PRKCZ: variants seen among roughly 807,000 people sequenced by gnomAD.
PRKCZ encodes the protein protein kinase C zeta, also known as protein kinase C zeta type.
A neutral mutation model predicts 79.5 loss-of-function variants in PRKCZ; 33 were observed. That is an observed-to-expected ratio of 0.41 (90% confidence interval 0.31 to 0.55). PRKCZ has a LOEUF of 0.55. PRKCZ is among the 20% of genes least tolerant of loss of function. The pLI is 0.19. For missense variants in PRKCZ, 578 were observed against 813.5 expected, an observed-to-expected ratio of 0.71 and a Z score of 3.52; for synonymous variants, 342 against 320.9, an observed-to-expected ratio of 1.07 and a Z score of -0.70.
At chr1:2,095,032 C>CA (rs1666214735) in intron 4 of PRKCZ, among the ~76,000 whole-genome samples, 1 of 152,196 alleles carries the variant, frequency 6.6e-6, no homozygotes, top group Non-Finnish European at 1.5e-5. Context: ...CCCAGCCCCC[C>CA]ATGTGCTGCT....
intron 4 of PRKCZ, among the ~76,000 whole-genome samples, chr1:2,079,577 T>C (rs1159273562): frequency 2.0e-5 from 3 of 152,152 alleles, no homozygotes; most frequent in Non-Finnish European, 2.9e-5. Context: ...GTGAGCGTGA[T>C]GGTAAAAGGC....
intron 4 of PRKCZ, among the ~76,000 whole-genome samples, chr1:2,126,520 G>A (rs114955559): frequency 0.022 from 3,290 of 152,108 alleles, 130 homozygotes; most frequent in African/African-American, 0.072. Context: ...CCCCCCTCCA[G>A]CCTGATTGCG....
At chr1:2,169,638 C>T (rs1459455701) in intron 11 of PRKCZ, 34 bp downstream of exon 11, 28 of 1,441,722 alleles carry the variant, frequency 1.9e-5, no homozygotes, top group Non-Finnish European at 2.5e-5. Flanking sequence ...GGTGGGTGCG[C>T]CCGGAGTTGG....
At chr1:2,147,257 C>G (rs1421588088) in intron 7 of PRKCZ, among the ~76,000 whole-genome samples, 2 of 151,812 alleles carry the variant, frequency 1.3e-5, no homozygotes, top group African/African-American at 4.8e-5. Context: ...CTCCATCTAT[C>G]CATCTGTCTG....
chr1:2,068,292 C>T (rs1470292097), intron 4 of PRKCZ, among the ~76,000 whole-genome samples: 3 of 152,256 alleles, frequency 2.0e-5, no homozygotes, highest in Non-Finnish European at 4.4e-5. Context: ...TTGCCACCCC[C>T]ACCCCAGAGG....
rs578008566 is a variant in PRKCZ, at chr1:2,127,356, C to T, written c.335-7906C>T. On this transcript the variant is annotated intron_variant, in intron 4 of 17. Coordinates refer to ENST00000378567, the MANE Select transcript of PRKCZ (RefSeq NM_002744.6). This position sits in a 1 kb window ranked among gnomAD's most constrained non-coding sequence, Gnocchi z 5.1. ...AAGTTTGAGTTGCAGGCTTGCGATCCGGGCAGGTCCCTCAGATGGAGGGGC... is the reference window on the plus strand; with the variant it reads ...AAGTTTGAGTTGCAGGCTTGCGATCTGGGCAGGTCCCTCAGATGGAGGGGC... Among the ~76,000 whole-genome samples the T allele has an allele frequency of 3.3e-4, 50 of 152,272 alleles. No homozygotes were observed. The highest frequency in any genetic ancestry group is 6.8e-3 in the Middle Eastern group (2 of 294).
chr1:2,165,665 G>A lies in PRKCZ; in HGVS notation c.975-3853G>A, dbSNP rs115817515. Among the ~76,000 whole-genome samples, 56 of 152,316 alleles carry A rather than the reference G, an allele frequency of 3.7e-4. No homozygotes were observed. The highest frequency in any genetic ancestry group is 1.3e-3 in the African/African-American group (53 of 41,572). On this transcript the variant is annotated intron_variant, in intron 10 of 17. Transcript: ENST00000378567. The surrounding 1 kb of genome is among the most constrained non-coding windows in gnomAD (Gnocchi z 4.1). Reference sequence around the variant, plus strand: ...AGCCTTAGACACTGCGTGAAGGGACGCGTGTGGCCGTGTTCCACCAGAACT... The same window carrying A: ...AGCCTTAGACACTGCGTGAAGGGACACGTGTGGCCGTGTTCCACCAGAACT...
chr1:2,158,804 C>G (rs776356930), intron 10 of PRKCZ, among the ~76,000 whole-genome samples: 17 of 152,210 alleles, frequency 1.1e-4, no homozygotes, highest in Non-Finnish European at 1.3e-4. Flanking sequence ...ATGCGTAAAC[C>G]TGAACTTAAA....
intron 4 of PRKCZ, among the ~76,000 whole-genome samples, chr1:2,130,574 C>G (rs1312283686): frequency 6.6e-6 from 1 of 152,118 alleles, no homozygotes; most frequent in Non-Finnish European, 1.5e-5. Context: ...TTCATAGAGA[C>G]TTATGAAGCC....
At chr1:2,120,231 T>C (rs1431569131) in intron 4 of PRKCZ, among the ~76,000 whole-genome samples, 5 of 151,726 alleles carry the variant, frequency 3.3e-5, no homozygotes, top group African/African-American at 1.2e-4. Flanking sequence ...TTGGTAGAGC[T>C]TCTTGAATCA....
In PRKCZ at chr1:2,171,132, C is replaced by G. The variant is rs546856683; in HGVS notation, c.1062-923C>G. Among the ~76,000 whole-genome samples, 25 of 152,104 alleles carry G rather than the reference C, an allele frequency of 1.6e-4. No individual in the cohort carries two copies. In the South Asian group the frequency reaches 2.5e-3, roughly 15 times the overall value. On this transcript the variant is annotated intron_variant, in intron 11 of 17. Coordinates refer to ENST00000378567, the MANE Select transcript of PRKCZ (RefSeq NM_002744.6). Reference sequence around the variant, plus strand: ...GATCACGAGGTCAGGAGATCGAGACCATCCTGGCTAACACGGTGAAATAAC... The same window carrying G: ...GATCACGAGGTCAGGAGATCGAGACGATCCTGGCTAACACGGTGAAATAAC...
At chr1:2,087,953 G>A (rs1270465350) in intron 4 of PRKCZ, among the ~76,000 whole-genome samples, 2 of 152,248 alleles carry the variant, frequency 1.3e-5, no homozygotes, top group Non-Finnish European at 2.9e-5. Context: ...CTGGGACGGC[G>A]TGAGGGACAG....
At chr1:2,110,260 A>G in intron 4 of PRKCZ, among the ~76,000 whole-genome samples, 1 of 152,110 alleles carries the variant, frequency 6.6e-6, no homozygotes, top group African/African-American at 2.4e-5. Flanking sequence ...ATGGGTCCCA[A>G]CCAAGAGGAT....
intron 4 of PRKCZ, among the ~76,000 whole-genome samples, chr1:2,109,655 G>C (rs772450466): frequency 4.6e-5 from 7 of 152,170 alleles, no homozygotes; most frequent in Non-Finnish European, 8.8e-5. Flanking sequence ...ACGGGGTTGC[G>C]GCAGCTCACG....
chr1:2,169,797 CG>C (rs1165916631), intron 11 of PRKCZ, among the ~76,000 whole-genome samples, 193 bp downstream of exon 11: 7 of 4,330 alleles, frequency 1.6e-3, no homozygotes, highest in South Asian at 5.2e-3. Flanking sequence ...ATGACGGGGG[CG>C]GGGGGGGCGG....
intron 4 of PRKCZ, among the ~76,000 whole-genome samples, chr1:2,069,456 A>G (rs1661388307): frequency 6.6e-6 from 1 of 152,166 alleles, no homozygotes; most frequent in African/African-American, 2.4e-5. Context: ...TGAGCAAACG[A>G]CCTGTTTAGT....
intron 4 of PRKCZ, among the ~76,000 whole-genome samples, chr1:2,111,246 G>T (rs188578245): frequency 6.6e-6 from 1 of 152,262 alleles, no homozygotes; most frequent in East Asian, 1.9e-4. Flanking sequence ...GAAAGAGGCA[G>T]AGAAGGTGTC....
chr1:2,176,307 C>CT (rs1486000744), intron 16 of PRKCZ, among the ~76,000 whole-genome samples: 1 of 152,090 alleles, frequency 6.6e-6, no homozygotes, highest in African/African-American at 2.4e-5. Context: ...TGGCGTGTGT[C>CT]TGTCAGGTTA....
intron 5 of PRKCZ, among the ~76,000 whole-genome samples, chr1:2,136,171 C>T (rs955280636): frequency 4.6e-5 from 7 of 152,210 alleles, no homozygotes; most frequent in African/African-American, 1.7e-4. Flanking sequence ...GGAGCGGCCT[C>T]AAGTCACCTG....
Sources: gnomAD v4.1 joint callset for allele counts (sites outside exome capture counted in the v4.1 genomes callset) on GRCh38, gnomAD v4.1.1 for gene constraint, Gnocchi (gnomAD v3.1) non-coding constraint, MANE v1.5 for transcripts, NCBI Gene and HGNC (gene_info 2026-07-23, HGNC 2026-07-21) for gene names.